Variants in PTPRD observed in about 807,000 individuals in gnomAD.
The protein encoded by PTPRD is receptor-type tyrosine-protein phosphatase delta.
In PTPRD, 34 loss-of-function variants were observed where a neutral mutation model predicts 214.5. The observed-to-expected ratio is 0.16, with a 90% CI of 0.12 to 0.21. The LOEUF is 0.21. PTPRD is among the 10% of genes least tolerant of loss of function. The pLI, the probability that PTPRD is intolerant of heterozygous loss-of-function variation, is 1.00. For missense variants in PTPRD, 2,545 were observed against 2,398.7 expected (o/e 1.06, Z -1.27); for synonymous variants, 1,128 against 845.7 (o/e 1.33, Z -5.79).
At chr9:10,129,397 C>T (rs1472050814) in intron 3 of PTPRD, among the ~76,000 whole-genome samples, 1 of 152,004 alleles carries the variant, frequency 6.6e-6, no homozygotes, top group African/African-American at 2.4e-5. Flanking sequence ...ATTCTGTTTT[C>T]ACTGCTGTTC....
chr9:9,910,413 C>G (rs555830436), intron 5 of PTPRD, among the ~76,000 whole-genome samples: 55 of 151,988 alleles, frequency 3.6e-4, no homozygotes, highest in African/African-American at 1.2e-3. Context: ...CAGTTCTGTT[C>G]AAATAATCCC....
chr9:10,161,846 CA>C lies in PTPRD; in HGVS notation c.-544-128057del, dbSNP rs775760265. ...ATAAGAAGCTGAAATGGCTCAATAG[CA>C]AAAAGATAATAATCTAATTGCAAAA... On this transcript the variant is annotated intron_variant, in intron 3 of 45. Coordinates refer to ENST00000381196, the MANE Select transcript of PTPRD (RefSeq NM_002839.4). 1.2e-3 allele frequency among the ~76,000 whole-genome samples: 179 copies of C among 151,354 alleles called. 3 individuals are homozygous for C. Among genetic ancestry groups the C allele is most frequent in the Non-Finnish European group, 3.3e-4 (22 of 67,576 alleles).
chr9:8,573,378 T>C (rs2091643777), intron 14 of PTPRD, among the ~76,000 whole-genome samples: 1 of 152,006 alleles, frequency 6.6e-6, no homozygotes, highest in Non-Finnish European at 1.5e-5. Context: ...AAATAATCTA[T>C]AATAGAACAC....
At chr9:8,454,654 T>G (rs1252120086) in intron 33 of PTPRD, 28 of 1,565,524 alleles carry the variant, frequency 1.8e-5, no homozygotes, top group Non-Finnish European at 2.4e-5. Context: ...TGGCCAATGG[T>G]AACAAGGATA....
intron 3 of PTPRD, among the ~76,000 whole-genome samples, chr9:10,036,749 A>G (rs1188977220): frequency 6.6e-6 from 1 of 151,466 alleles, no homozygotes; most frequent in Non-Finnish European, 1.5e-5. Context: ...ACACCCCACT[A>G]ATTTTTGTAT....
In PTPRD at chr9:10,371,333, A is replaced by G. The variant is rs188430053; in HGVS notation, c.-599-30316T>C. ...AGGGTTTATGCTACTATCGTTGGCT[A>G]TATAACTGAGTTGAACTGCATATTA... On this transcript the variant is annotated intron_variant, in intron 2 of 45. Coordinates refer to ENST00000381196, the MANE Select transcript of PTPRD (RefSeq NM_002839.4). Among the ~76,000 whole-genome samples, 5 of 152,162 alleles carry G rather than the reference A, an allele frequency of 3.3e-5. No individual in the cohort carries two copies. In the East Asian group the frequency reaches 9.7e-4, roughly 29 times the overall value.
At chr9:10,364,494 T>G (rs2097474703) in intron 2 of PTPRD, among the ~76,000 whole-genome samples, 1 of 152,178 alleles carries the variant, frequency 6.6e-6, no homozygotes, top group African/African-American at 2.4e-5. Context: ...TTTATACAAA[T>G]TTTAAAAATC....
At chr9:9,820,020 G>C (rs1355895761) in intron 5 of PTPRD, among the ~76,000 whole-genome samples, 1 of 152,078 alleles carries the variant, frequency 6.6e-6, no homozygotes, top group Non-Finnish European at 1.5e-5. Flanking sequence ...AGGATTGCTG[G>C]GTTGTATGAT....
chr9:9,899,442 T>C (rs1341493837), intron 5 of PTPRD, among the ~76,000 whole-genome samples: 1 of 151,936 alleles, frequency 6.6e-6, no homozygotes, highest in Non-Finnish European at 1.5e-5. Context: ...GCTAAGTATA[T>C]AAAAAAAGTT....
Position 9,372,637 on chromosome 9 carries a change from T to A in PTPRD, c.-203+24812A>T, listed in dbSNP as rs1291220441. On this transcript the variant is annotated intron_variant, in intron 9 of 45. Transcript: ENST00000381196. ...CGTTTAAGGTTAATATTGTTATGTG[T>A]GAATTTGATCCTGTCATTACAATGT... 2.0e-5 allele frequency among the ~76,000 whole-genome samples: 3 copies of A among 152,280 alleles called. No homozygotes were observed. In the East Asian group the frequency reaches 5.8e-4, roughly 29 times the overall value.
At chr9:10,141,324 G>A (rs1008758999) in intron 3 of PTPRD, among the ~76,000 whole-genome samples, 1 of 152,094 alleles carries the variant, frequency 6.6e-6, no homozygotes, top group Admixed American at 6.6e-5. Flanking sequence ...CCTTTTTGCA[G>A]ACGACATGAT....
chr9:8,485,121 A>G, intron 29 of PTPRD, 106 bp downstream of exon 29: 1 of 823,662 alleles, frequency 1.2e-6, no homozygotes, highest in Non-Finnish European at 2.0e-6. Context: ...TAGCAAGGAC[A>G]CGTGGCCAAA....
At chr9:8,735,421 G>C (rs2090029300) in intron 11 of PTPRD, among the ~76,000 whole-genome samples, 1 of 152,056 alleles carries the variant, frequency 6.6e-6, no homozygotes, top group Non-Finnish European at 1.5e-5. Context: ...TAGGATTACA[G>C]GGATGAGCCA....
At chr9:9,162,513 T>C (rs942753681) in intron 10 of PTPRD, among the ~76,000 whole-genome samples, 2 of 152,068 alleles carry the variant, frequency 1.3e-5, no homozygotes, top group African/African-American at 2.4e-5. Context: ...TGACTTTCCA[T>C]CTACATAATT....
intron 10 of PTPRD, among the ~76,000 whole-genome samples, chr9:9,090,546 G>C (rs1489575953): frequency 1.3e-5 from 2 of 152,090 alleles, no homozygotes; most frequent in African/African-American, 4.8e-5. Context: ...ATTGAGTAGT[G>C]AATATGTCAG....
Position 10,289,495 on chromosome 9 carries a change from A to G in PTPRD, c.-545+51468T>C, listed in dbSNP as rs528617483. ...GGTCCCCCAAACACCTACAATCACT[A>G]TGACGAGAAATTTGTCTTGAAATCT... On this transcript the variant is annotated intron_variant, in intron 3 of 45. Coordinates refer to ENST00000381196, the MANE Select transcript of PTPRD (RefSeq NM_002839.4). Among the ~76,000 whole-genome samples, 16 of 152,266 alleles carry G rather than the reference A, an allele frequency of 1.1e-4. No individual in the cohort carries two copies. The South Asian group carries it at 3.3e-3, about 32-fold the overall frequency.
intron 7 of PTPRD, among the ~76,000 whole-genome samples, chr9:9,700,468 G>A (rs1032294882): frequency 6.6e-6 from 1 of 151,964 alleles, no homozygotes; most frequent in African/African-American, 2.4e-5. Context: ...ACTCTACATG[G>A]TTTTGGAACC....
chr9:9,403,362 G>T (rs368026815), intron 8 of PTPRD, among the ~76,000 whole-genome samples: 2 of 146,414 alleles, frequency 1.4e-5, no homozygotes, highest in East Asian at 2.0e-4. Flanking sequence ...TACGAATTGT[G>T]ATATCACATG....
intron 4 of PTPRD, among the ~76,000 whole-genome samples, chr9:9,940,569 CA>C (rs1194184762): frequency 6.6e-6 from 1 of 152,108 alleles, no homozygotes; most frequent in African/African-American, 2.4e-5. Flanking sequence ...ATTATCTGTA[CA>C]ACAGAGATAA....
Sources: gnomAD v4.1 joint callset for allele counts (sites outside exome capture counted in the v4.1 genomes callset) on GRCh38, gnomAD v4.1.1 for gene constraint, MANE v1.5 for transcripts, NCBI Gene and HGNC (gene_info 2026-07-23, HGNC 2026-07-21) for gene names.